The following RSF1 variants were observed in gnomAD, a reference collection of about 807,000 sequenced individuals.
RSF1 encodes the protein remodeling and spacing factor 1, also known as HBV pX-associated protein 8.
A neutral mutation model predicts 145.2 loss-of-function variants in RSF1; 13 were observed. The ratio of observed to expected loss-of-function variants is 0.09; its 90% confidence interval spans 0.06 to 0.14. RSF1 has a LOEUF of 0.14. Ranked by LOEUF, RSF1 falls within the 10% of genes least tolerant of loss-of-function variation. RSF1 has a pLI of 1.00. For synonymous variants in RSF1, 577 were observed against 592.6 expected, an observed-to-expected ratio of 0.97 and a Z score of 0.38; for missense variants, 1,517 against 1,718.2, an observed-to-expected ratio of 0.88 and a Z score of 2.07.
intron 1 of RSF1, among the ~76,000 whole-genome samples, chr11:77,819,818 C>G (rs998990687): frequency 1.3e-5 from 2 of 152,076 alleles, no homozygotes; most frequent in African/African-American, 4.8e-5. Context: ...TAACCCTCTC[C>G]TCTCCACAGT....
intron 5 of RSF1, chr11:77,717,619 A>C (rs1960846962): frequency 6.6e-6 from 1 of 152,208 alleles, no homozygotes; most frequent in Non-Finnish European, 1.5e-5. Context: ...GTATGGAAAA[A>C]TACTGTGTTG....
chr11:77,774,262 G>C (rs1320928064), intron 1 of RSF1, among the ~76,000 whole-genome samples: 1 of 152,168 alleles, frequency 6.6e-6, no homozygotes, highest in Non-Finnish European at 1.5e-5. Flanking sequence ...AAAGCAACAG[G>C]GAGAGGGGGA....
intron 15 of RSF1, 24 bp from the exon 16 acceptor site, chr11:77,667,515 C>G (rs543411101): frequency 1.3e-6 from 2 of 1,577,748 alleles, no homozygotes; most frequent in Non-Finnish European, 1.7e-6. Context: ...CACATTTAAG[C>G]CATTGGCACG....
intron 1 of RSF1, among the ~76,000 whole-genome samples, chr11:77,791,602 T>C (rs1208903977): frequency 6.6e-6 from 1 of 152,164 alleles, no homozygotes; most frequent in African/African-American, 2.4e-5. Context: ...CCAAGTTACA[T>C]CTCGAATGTT....
chr11:77,827,119 C>A, the RSF1 span, among the ~76,000 whole-genome samples: 1 of 149,372 alleles, frequency 6.7e-6, no homozygotes, highest in African/African-American at 2.5e-5. Context: ...AAAAAAAAAT[C>A]GAATTGGGAA....
intron 8 of RSF1, among the ~76,000 whole-genome samples, 177 bp downstream of exon 8, chr11:77,693,330 G>GA (rs1207256235): frequency 2.7e-5 from 4 of 150,850 alleles, no homozygotes; most frequent in Non-Finnish European, 3.0e-5. Flanking sequence ...ACTGCTTTGG[G>GA]AAAAAAAACA....
At chr11:77,832,243 A>G in the RSF1 span, among the ~76,000 whole-genome samples, 1 of 152,048 alleles carries the variant, frequency 6.6e-6, no homozygotes, top group Non-Finnish European at 1.5e-5. Flanking sequence ...TCAACATCAT[A>G]TATTTCTGGC....
chr11:77,751,271 T>A (rs1948059805), intron 2 of RSF1, among the ~76,000 whole-genome samples: 1 of 152,194 alleles, frequency 6.6e-6, no homozygotes, highest in South Asian at 2.1e-4. Flanking sequence ...TTCTTTTGGA[T>A]AACTCATAAG....
intron 1 of RSF1, among the ~76,000 whole-genome samples, chr11:77,779,102 C>A (rs1189469644): frequency 6.6e-6 from 1 of 152,006 alleles, no homozygotes; most frequent in Non-Finnish European, 1.5e-5. Flanking sequence ...CACCACCATG[C>A]CCAGCTAATT....
At chr11:77,803,232 C>T (rs1948644080) in intron 1 of RSF1, among the ~76,000 whole-genome samples, 1 of 152,088 alleles carries the variant, frequency 6.6e-6, no homozygotes, top group Admixed American at 6.6e-5. Context: ...ACTGGAGCCT[C>T]CACCTCCTGG....
rs1350728159 is a variant in RSF1, at chr11:77,747,135, G to A, written c.280-7C>T. 1 of 1,581,860 alleles carries A rather than the reference G, an allele frequency of 6.3e-7. No individual in the cohort carries two copies. Among genetic ancestry groups the A allele is most frequent in the East Asian group, 2.2e-5 (1 of 44,578 alleles). On this transcript the variant is annotated splice_region_variant and splice_polypyrimidine_tract_variant and intron_variant, in intron 2 of 15. Transcript: ENST00000308488. ...TGTTAAACTCTTGGCATATCTGTCAGATAAAGTTAATATCTTAATACATGA... is the reference window on the plus strand; with the variant it reads ...TGTTAAACTCTTGGCATATCTGTCAAATAAAGTTAATATCTTAATACATGA...
Position 77,663,599 on chromosome 11 carries a change from G to T in RSF1, c.*3318C>A, listed in dbSNP as rs1199345059. ...TCTGAATCTGTAACCTTGACCAATT[G>T]AAAAAAGGATGTCAAGGAAATATAA... On this transcript the variant is annotated 3_prime_UTR_variant, in exon 16 of 16. Coordinates refer to ENST00000308488, the MANE Select transcript of RSF1 (RefSeq NM_016578.4). The T allele has an allele frequency of 6.6e-6, 1 of 151,986 alleles. No individual in the cohort carries two copies. Among genetic ancestry groups the T allele is most frequent in the East Asian group, 1.9e-4 (1 of 5,202 alleles). The allele number at this position is 151,986 out of a possible 1,614,324, so 9.4% of individuals were successfully genotyped here. A position where few individuals can be genotyped will look rare whatever the true frequency, so the allele number is the denominator to read the frequency against.
At chr11:77,723,231 G>C (rs1590850717) in intron 5 of RSF1, among the ~76,000 whole-genome samples, 1 of 152,332 alleles carries the variant, frequency 6.6e-6, no homozygotes, top group Non-Finnish European at 1.5e-5. Context: ...AGCCAAGGCA[G>C]GAGGGTCGCC....
intron 1 of RSF1, among the ~76,000 whole-genome samples, chr11:77,776,310 CAGTT>C (rs1948341887): frequency 6.6e-6 from 1 of 152,186 alleles, no homozygotes; most frequent in African/African-American, 2.4e-5. Context: ...GTTACAACAT[CAGTT>C]AGATGTTTCT....
At chr11:77,746,085 T>C (rs967133935) in intron 3 of RSF1, among the ~76,000 whole-genome samples, 1 of 152,116 alleles carries the variant, frequency 6.6e-6, no homozygotes, top group Admixed American at 6.6e-5. Context: ...ACATACATTA[T>C]AGGAATGCAC....
At chr11:77,704,763 T>TC (rs1459061819) in intron 5 of RSF1, among the ~76,000 whole-genome samples, 1 of 151,402 alleles carries the variant, frequency 6.6e-6, no homozygotes, top group Non-Finnish European at 1.5e-5. Flanking sequence ...GTTTTTTTTT[T>TC]TTTTTTGAGA....
At chr11:77,697,999 T>C (rs1960324096) in intron 7 of RSF1, among the ~76,000 whole-genome samples, 1 of 152,182 alleles carries the variant, frequency 6.6e-6, no homozygotes, top group Non-Finnish European at 1.5e-5. Flanking sequence ...AAGTTACCTA[T>C]TTATCTTACC....
chr11:77,858,111 T>C, the RSF1 span, among the ~76,000 whole-genome samples: 1 of 151,908 alleles, frequency 6.6e-6, no homozygotes, highest in East Asian at 1.9e-4. Flanking sequence ...CTGAAACTCC[T>C]GGACTCAAGC....
At chr11:77,752,453 GTT>G (rs1270613677) in intron 2 of RSF1, among the ~76,000 whole-genome samples, 3 of 152,118 alleles carry the variant, frequency 2.0e-5, no homozygotes, top group Admixed American at 2.0e-4. Context: ...ATTCTTAACT[GTT>G]TTTTCACGCC....
Sources: allele counts gnomAD v4.1 joint callset (sites outside exome capture counted in the v4.1 genomes callset), GRCh38; gene constraint gnomAD v4.1.1; transcripts MANE v1.5; gene names NCBI Gene and HGNC (gene_info 2026-07-23, HGNC 2026-07-21).